The following C1orf159 variants were observed in gnomAD, a reference collection of about 807,000 sequenced individuals.
The protein encoded by C1orf159 is chromosome 1 open reading frame 159.
Under a neutral mutation model 25.6 loss-of-function variants are expected in C1orf159, and 19 were observed. The observed-to-expected ratio is 0.74, with a 90% CI of 0.52 to 1.09. The LOEUF (loss-of-function observed/expected upper bound fraction) is 1.09, where lower values mean the gene tolerates loss of function less well. Among genes scored for constraint, C1orf159 ranks in the 50% least tolerant of loss-of-function variants. C1orf159 has a pLI of 0.00. For missense variants in C1orf159, 274 were observed against 290.6 expected, an observed-to-expected ratio of 0.94 and a Z score of 0.42; for synonymous variants, 139 against 124.7, an observed-to-expected ratio of 1.12 and a Z score of -0.77.
intron 1 of C1orf159, among the ~76,000 whole-genome samples, chr1:1,093,776 ATGTGGACATC>A (rs1645973265): frequency 1.3e-5 from 2 of 152,164 alleles, no homozygotes; most frequent in Admixed American, 1.3e-4. Context: ...ACATGTCATC[ATGTGGACATC>A]TGTCTTCATT....
In C1orf159 at chr1:1,087,288, G is replaced by A. The variant is rs193152535; in HGVS notation, c.245-84C>T. 495 of 1,385,756 alleles carry A rather than the reference G, an allele frequency of 3.6e-4. 1 individual carries two copies. The East Asian group carries it at 4.0e-3, about 11-fold the overall frequency. 85.8% of individuals were successfully genotyped at this position (1,385,756 alleles called of 1,614,324 possible). ...GTGCACCCTGAAGGGATCTCAGGAC[G>A]GAAATATGAAAGCGAGGGGCTGAGG... On this transcript the variant is annotated intron_variant, in intron 5 of 9. Transcript: ENST00000421241. The surrounding 1 kb of genome is among the most constrained non-coding windows in gnomAD (Gnocchi z 8.3).
rs970777656 is a variant in C1orf159, at chr1:1,084,824, C to T, written c.446-318G>A. On this transcript the variant is annotated intron_variant, in intron 7 of 9. Coordinates refer to ENST00000421241, the MANE Select transcript of C1orf159 (RefSeq NM_017891.5). Reference sequence around the variant, plus strand: ...GGGGACAAGCCCCCCTCATGAGAAGCGTCTCCCCAGGCTCCAGGGTCCCAG... The same window carrying T: ...GGGGACAAGCCCCCCTCATGAGAAGTGTCTCCCCAGGCTCCAGGGTCCCAG... Among the ~76,000 whole-genome samples the T allele has an allele frequency of 5.3e-5, 8 of 152,272 alleles. No individual in the cohort carries two copies. The South Asian group carries it at 1.0e-3, about 20-fold the overall frequency.
chr1:1,091,113 T>TCCACC (rs1429102933), intron 3 of C1orf159: 2 of 710,416 alleles, frequency 2.8e-6, no homozygotes, highest in Non-Finnish European at 4.7e-6. Context: ...GTCCCCACCC[T>TCCACC]CCACCCGCTC....
At chr1:1,101,419 G>T (rs1190091146) in intron 1 of C1orf159, among the ~76,000 whole-genome samples, 2 of 152,138 alleles carry the variant, frequency 1.3e-5, no homozygotes, top group Non-Finnish European at 2.9e-5. Flanking sequence ...GGAGGCAGAG[G>T]TTGCAGTAAG....
chr1:1,086,087 C>G, intron 6 of C1orf159, 75 bp from the exon 7 acceptor site: 1 of 1,548,526 alleles, frequency 6.5e-7, no homozygotes, highest in South Asian at 1.2e-5. Context: ...GTGCCCCCTG[C>G]ACATGGCAGA....
intron 6 of C1orf159, among the ~76,000 whole-genome samples, chr1:1,086,374 C>T (rs1234783516): frequency 2.0e-5 from 3 of 152,290 alleles, no homozygotes; most frequent in Non-Finnish European, 2.9e-5. Context: ...TTCCTTCCTC[C>T]GGGCTCAGCA....
intron 1 of C1orf159, among the ~76,000 whole-genome samples, chr1:1,102,091 A>AC (rs1557432145): frequency 6.6e-6 from 1 of 150,774 alleles, no homozygotes; most frequent in Non-Finnish European, 1.5e-5. Context: ...AAAAAAAAAA[A>AC]AAAAACAAAC....
intron 1 of C1orf159, among the ~76,000 whole-genome samples, chr1:1,101,504 C>T (rs1325839591): frequency 6.6e-6 from 1 of 152,030 alleles, no homozygotes; most frequent in Non-Finnish European, 1.5e-5. Flanking sequence ...TTTTAAATCT[C>T]ACAGACTCAG....
At position 1,095,000 on chromosome 1, in the gene C1orf159, C is replaced by T. The variant is rs535838685; in HGVS notation, c.-135-2897G>A. On this transcript the variant is annotated intron_variant, in intron 1 of 9. Coordinates refer to ENST00000421241, the MANE Select transcript of C1orf159 (RefSeq NM_017891.5). Reference sequence around the variant, plus strand: ...AGACTTTTCTTTCCATGTGGAATTACGTTGACATCTTCATTGAAAATCAAT... The same window carrying T: ...AGACTTTTCTTTCCATGTGGAATTATGTTGACATCTTCATTGAAAATCAAT... Among the ~76,000 whole-genome samples, 102 of 152,302 alleles carry T rather than the reference C, an allele frequency of 6.7e-4. 4 individuals carry two copies. In the South Asian group the frequency reaches 0.021, roughly 31 times the overall value.
chr1:1,099,890 T>C (rs534648690), intron 1 of C1orf159, among the ~76,000 whole-genome samples: 23 of 152,398 alleles, frequency 1.5e-4, no homozygotes, highest in Admixed American at 3.9e-4. Flanking sequence ...CCAACTATGA[T>C]TGTGGGTTGT....
At chr1:1,111,773 G>A (rs115898821) in intron 1 of C1orf159, among the ~76,000 whole-genome samples, 1,853 of 152,254 alleles carry the variant, frequency 0.012, 43 homozygotes, top group African/African-American at 0.042. Context: ...ACACAGCCCC[G>A]AGGGCTGGCT....
rs1304537817 is a variant in C1orf159 at position 1,089,828 on chromosome 1, C to T, written c.148+525G>A. Reference sequence around the variant, plus strand: ...CTCACCAGCCTCAACCTCCTGACACCCAGCTGCCCCCAGACAGTCCCTTCC... The same window carrying T: ...CTCACCAGCCTCAACCTCCTGACACTCAGCTGCCCCCAGACAGTCCCTTCC... On this transcript the variant is annotated intron_variant, in intron 4 of 9. Coordinates refer to ENST00000421241, the MANE Select transcript of C1orf159 (RefSeq NM_017891.5). This position sits in a 1 kb window ranked among gnomAD's most constrained non-coding sequence, Gnocchi z 7.5. 6.6e-6 allele frequency among the ~76,000 whole-genome samples: 1 copy of T among 152,206 alleles called. No homozygotes were observed. Among genetic ancestry groups the T allele is most frequent in the Non-Finnish European group, 1.5e-5 (1 of 68,034 alleles).
At chr1:1,085,223 G>A (rs760200442) in intron 7 of C1orf159, 34 of 404,580 alleles carry the variant, frequency 8.4e-5, no homozygotes, top group Non-Finnish European at 1.3e-4. Context: ...GCCCCAGCTC[G>A]GCTATCACAG....
intron 4 of C1orf159, among the ~76,000 whole-genome samples, chr1:1,090,083 C>T (rs1645902853): frequency 6.6e-6 from 1 of 152,230 alleles, no homozygotes. Context: ...CCAGACCCTT[C>T]TCCAGGCACC....
intron 1 of C1orf159, among the ~76,000 whole-genome samples, chr1:1,103,304 G>C (rs749166942): frequency 2.0e-5 from 3 of 152,170 alleles, no homozygotes; most frequent in Non-Finnish European, 4.4e-5. Flanking sequence ...TATTCCAACA[G>C]CTAGGTCATA....
chr1:1,088,719 C>T (rs1039722131), intron 4 of C1orf159, among the ~76,000 whole-genome samples: 6 of 152,258 alleles, frequency 3.9e-5, no homozygotes, highest in African/African-American at 1.4e-4. Context: ...GCTGCTGGTG[C>T]GGGCCACGGG....
rs1409414804 is a variant in C1orf159 at position 1,086,101 on chromosome 1, G to A, written c.311-89C>T. The A allele has an allele frequency of 1.6e-5, 24 of 1,478,372 alleles. No individual in the cohort carries two copies. In the East Asian group the frequency reaches 1.9e-4, roughly 12 times the overall value. The allele number at this position is 1,478,372 out of a possible 1,614,324, so 91.6% of individuals were successfully genotyped here. Reference sequence around the variant, plus strand: ...GGTGCCCCCTGCACATGGCAGATGCGCTGCTCTCTGAACATGCCTGAGCCT... The same window carrying A: ...GGTGCCCCCTGCACATGGCAGATGCACTGCTCTCTGAACATGCCTGAGCCT... On this transcript the variant is annotated intron_variant, in intron 6 of 9. Transcript: ENST00000421241.
At chr1:1,112,298 TA>T (rs1453824360) in intron 1 of C1orf159, among the ~76,000 whole-genome samples, 1 of 152,228 alleles carries the variant, frequency 6.6e-6, no homozygotes, top group Non-Finnish European at 1.5e-5. Context: ...TGGCGGCGTG[TA>T]ACCGTTCTAT....
chr1:1,088,410 C>T (rs555795724), intron 4 of C1orf159, among the ~76,000 whole-genome samples: 1 of 140,532 alleles, frequency 7.1e-6, no homozygotes, highest in South Asian at 2.5e-4. Flanking sequence ...CCTCATGCCG[C>T]CCAAGCAGGA....
Sources: gnomAD v4.1 joint callset for allele counts (sites outside exome capture counted in the v4.1 genomes callset) on GRCh38, gnomAD v4.1.1 for gene constraint, Gnocchi (gnomAD v3.1) non-coding constraint, MANE v1.5 for transcripts, NCBI Gene and HGNC (gene_info 2026-07-23, HGNC 2026-07-21) for gene names.